KLRG1: variants seen among roughly 807,000 people sequenced by gnomAD.
KLRG1 encodes the protein killer cell lectin like receptor G1.
In KLRG1, 16 loss-of-function variants were observed where a neutral mutation model predicts 21.8. That is an observed-to-expected ratio of 0.73 (90% CI 0.50 to 1.11). The LOEUF is 1.11. Ranked by LOEUF, KLRG1 falls within the 50% of genes most tolerant of loss-of-function variation. The pLI is 0.00. For missense variants in KLRG1, 173 were observed against 218.3 expected (o/e 0.79, Z 1.31); for synonymous variants, 69 against 75.9 (o/e 0.91, Z 0.47).
intron 1 of KLRG1, among the ~76,000 whole-genome samples, chr12:8,950,588 C>T (rs1592227267): frequency 1.3e-5 from 2 of 152,276 alleles, no homozygotes; most frequent in East Asian, 3.9e-4. Context: ...GTTTTCATTC[C>T]GCTTCCACTC....
chr12:9,139,197 G>T, the KLRG1 span, among the ~76,000 whole-genome samples: 1 of 152,116 alleles, frequency 6.6e-6, no homozygotes, highest in African/African-American at 2.4e-5. Flanking sequence ...GACTTTTCAA[G>T]AGTCTGTTGT....
chr12:9,079,046 A>T, the KLRG1 span, among the ~76,000 whole-genome samples: 1 of 152,090 alleles, frequency 6.6e-6, no homozygotes, highest in Non-Finnish European at 1.5e-5. Context: ...TCCATTTTGG[A>T]AACAAGCCTA....
chr12:9,151,617 A>G, the KLRG1 span: 1 of 1,613,744 alleles, frequency 6.2e-7, no homozygotes, highest in African/African-American at 1.3e-5. Flanking sequence ...TTCCACATAA[A>G]TGAGGACATG....
the KLRG1 span, chr12:9,157,846 G>A: frequency 2.5e-6 from 4 of 1,610,694 alleles, no homozygotes; most frequent in Non-Finnish European, 3.4e-6. Context: ...ACCTCCCTGT[G>A]AATACAACAT....
At chr12:9,210,452 A>G in the KLRG1 span, among the ~76,000 whole-genome samples, 1 of 152,176 alleles carries the variant, frequency 6.6e-6, no homozygotes, top group African/African-American at 2.4e-5. Flanking sequence ...TAAAGGCTTT[A>G]AAATGTGCTT....
At chr12:9,094,921 T>G in the KLRG1 span, 2 of 1,023,646 alleles carry the variant, frequency 2.0e-6, no homozygotes, top group Non-Finnish European at 2.7e-6. Flanking sequence ...TTAAAAAATT[T>G]AAAATTTGGT....
At chr12:9,033,091 C>T in the KLRG1 span, among the ~76,000 whole-genome samples, 10 of 152,060 alleles carry the variant, frequency 6.6e-5, no homozygotes, top group Non-Finnish European at 1.2e-4. Context: ...AAGAAACTGC[C>T]GGTGATTACA....
At chr12:9,167,144 G>A in the KLRG1 span, 3 of 152,064 alleles carry the variant, frequency 2.0e-5, no homozygotes, top group Non-Finnish European at 4.4e-5. Context: ...TGTCTTCTCT[G>A]TCTTCACTCT....
chr12:9,109,625 TA>T, the KLRG1 span, among the ~76,000 whole-genome samples: 1 of 152,222 alleles, frequency 6.6e-6, no homozygotes, highest in South Asian at 2.1e-4. Flanking sequence ...AAAACTCCAT[TA>T]AAACAAGAAT....
chr12:8,970,814 G>C (rs1178340228), intron 1 of KLRG1, among the ~76,000 whole-genome samples: 2 of 152,086 alleles, frequency 1.3e-5, no homozygotes, highest in African/African-American at 4.8e-5. Context: ...TATTTATTCT[G>C]AATGGGTGTT....
the KLRG1 span, chr12:9,072,738 C>T: frequency 8.1e-6 from 13 of 1,614,060 alleles, no homozygotes; most frequent in East Asian, 4.5e-5. Context: ...CAGTAACAGG[C>T]GGTTGTTGTT....
chr12:8,950,397 G>A (rs1467873069), intron 1 of KLRG1, among the ~76,000 whole-genome samples: 1 of 152,202 alleles, frequency 6.6e-6, no homozygotes, highest in African/African-American at 2.4e-5. Flanking sequence ...GGTAATCTTT[G>A]CGCCTTTGCT....
the KLRG1 span, among the ~76,000 whole-genome samples, chr12:9,215,525 T>G: frequency 6.6e-6 from 1 of 151,990 alleles, no homozygotes; most frequent in Non-Finnish European, 1.5e-5. Context: ...AACTCTTAAT[T>G]TAGAAGATTT....
chr12:9,113,408 GA>G, the KLRG1 span: 1 of 1,613,762 alleles, frequency 6.2e-7, no homozygotes, highest in Non-Finnish European at 8.5e-7. Flanking sequence ...CCAGGTCAGT[GA>G]AGAGGCTCCT....
chr12:9,045,821 A>G, the KLRG1 span, among the ~76,000 whole-genome samples: 1 of 151,440 alleles, frequency 6.6e-6, no homozygotes, highest in East Asian at 1.9e-4. Flanking sequence ...CCAGATAAAG[A>G]AAATGTGGTA....
the KLRG1 span, chr12:9,169,572 A>G: frequency 6.2e-7 from 1 of 1,612,592 alleles, no homozygotes; most frequent in South Asian, 1.1e-5. Context: ...GAGATCCTTC[A>G]CAGTTAGCAG....
the KLRG1 span, among the ~76,000 whole-genome samples, chr12:9,034,109 A>G: frequency 6.6e-6 from 1 of 152,254 alleles, no homozygotes; most frequent in Admixed American, 6.5e-5. Context: ...TTTCAACCAC[A>G]GAAGCAGAAC....
At chr12:9,165,249 G>T in the KLRG1 span, 3 of 1,614,030 alleles carry the variant, frequency 1.9e-6, no homozygotes, top group Non-Finnish European at 2.5e-6. Flanking sequence ...TGGAAGGCTC[G>T]GAGAGAGGCA....
the KLRG1 span, among the ~76,000 whole-genome samples, chr12:9,056,026 G>A: frequency 2.0e-5 from 3 of 152,216 alleles, no homozygotes; most frequent in South Asian, 2.1e-4. Flanking sequence ...AATAAAAGAT[G>A]TAGATGATTT....
Sources: gnomAD v4.1 joint callset for allele counts (sites outside exome capture counted in the v4.1 genomes callset) on GRCh38, gnomAD v4.1.1 for gene constraint, MANE v1.5 for transcripts, NCBI Gene and HGNC (gene_info 2026-07-23, HGNC 2026-07-21) for gene names.